The following SREK1 variants were observed in gnomAD, a reference collection of about 807,000 sequenced individuals.
SREK1 encodes the protein splicing regulatory glutamic acid and lysine rich protein 1, also known as splicing regulatory glutamine/lysine-rich protein 1.
Under a neutral mutation model 66.5 loss-of-function variants are expected in SREK1, and 13 were observed. The ratio of observed to expected loss-of-function variants is 0.20; its 90% CI spans 0.13 to 0.31. The LOEUF (loss-of-function observed/expected upper bound fraction) is 0.31, where lower values mean the gene tolerates loss of function less well. SREK1 is among the 10% of genes least tolerant of loss of function. The pLI, the probability that SREK1 is intolerant of heterozygous loss-of-function variation, is 1.00. For missense variants in SREK1, 607 were observed against 769.6 expected (o/e 0.79, Z 2.50); for synonymous variants, 265 against 263.5 (o/e 1.01, Z -0.05).
intron 2 of SREK1, chr5:66,157,567 A>C: frequency 2.1e-6 from 2 of 971,424 alleles, no homozygotes. Flanking sequence ...TATAGTGTAT[A>C]TGTGGGTATA....
chr5:66,153,021 T>TACTAG (rs1743979827), intron 1 of SREK1, among the ~76,000 whole-genome samples: 2 of 152,222 alleles, frequency 1.3e-5, no homozygotes, highest in Admixed American at 1.3e-4. Flanking sequence ...TGACTCTTTC[T>TACTAG]AAGACTGTTG....
At position 66,164,803 on chromosome 5, in the gene SREK1, A is replaced by G. The variant is rs895816954; in HGVS notation, c.907A>G (p.Arg303Gly). 3.7e-6 allele frequency: 6 copies of G among 1,614,018 alleles called. No individual in the cohort carries two copies. The highest frequency in any genetic ancestry group is 2.5e-6 in the Non-Finnish European group (3 of 1,179,954). The change falls in exon 7 of 12, where the codon AGA (arginine) becomes GGA (glycine). Residue 303 changes from arginine to glycine, a missense_variant. By Grantham distance (125) the Arg-to-Gly change is moderately radical. Around this residue, in one of 5 missense-constraint regions of SREK1, gnomAD observed 112 missense variants for 168.6 expected, o/e 0.66. Transcript: ENST00000334121. ...IEPESGKSNE[R>G]KGGRSRSHTR... ...CCCAGAGTCTGGAAAGAGCAATGAA[A>G]GAAAAGGCGGTCGATCTCGTTCCCA...
At chr5:66,148,813 T>G (rs1443195425) in intron 1 of SREK1, among the ~76,000 whole-genome samples, 1 of 133,856 alleles carries the variant, frequency 7.5e-6, no homozygotes, top group Non-Finnish European at 1.5e-5. Flanking sequence ...ATGTCATCCC[T>G]TTTTATGTGT....
At chr5:66,163,132 A>G (rs1744900235) in intron 5 of SREK1, 2 of 152,136 alleles carry the variant, frequency 1.3e-5, no homozygotes, top group South Asian at 4.2e-4. Flanking sequence ...GTTGAGGCAT[A>G]TATAGTTTTG....
intron 2 of SREK1, chr5:66,156,366 C>G: frequency 1.6e-6 from 2 of 1,219,436 alleles, no homozygotes; most frequent in Non-Finnish European, 1.0e-6. Context: ...GGGTTCATAA[C>G]GTGTTGCAAA....
At position 66,144,306 on chromosome 5, in the gene SREK1, C is replaced by T. The variant is rs945983712; in HGVS notation, c.-71C>T. On this transcript the variant is annotated 5_prime_UTR_variant, in exon 1 of 12. Coordinates refer to ENST00000334121, the MANE Select transcript of SREK1 (RefSeq NM_001077199.3). ...AGCGCGCTCGCGGCCGCGCGTTCTC[C>T]GCTTTCCCGGCTCCGTCGCTGACGC... 11 of 1,308,918 alleles carry T rather than the reference C, an allele frequency of 8.4e-6. 1 individual carries two copies. In the South Asian group the frequency reaches 1.1e-4, roughly 13 times the overall value. 81.1% of individuals were successfully genotyped at this position (1,308,918 alleles called of 1,614,324 possible).
chr5:66,173,146 A>G (rs1228623454), intron 9 of SREK1, among the ~76,000 whole-genome samples: 1 of 151,958 alleles, frequency 6.6e-6, no homozygotes, highest in African/African-American at 2.4e-5. Flanking sequence ...AAGAGTTACA[A>G]TTTCTTGTCT....
rs542164558 is a variant in SREK1, at chr5:66,147,003, G to C, written c.161+2466G>C. ...GGAGGCTGAGGTGGGAGAACAGCTT[G>C]AGCCCAGGAGTTTGATTCCAACCTG... is the stretch of plus-strand genomic sequence containing the variant. On this transcript the variant is annotated intron_variant, in intron 1 of 11. Coordinates refer to ENST00000334121, the MANE Select transcript of SREK1 (RefSeq NM_001077199.3). 4.1e-4 allele frequency among the ~76,000 whole-genome samples: 63 copies of C among 152,232 alleles called. 1 individual carries two copies. The highest frequency in any genetic ancestry group is 3.9e-4 in the Admixed American group (6 of 15,292).
rs1193013037 is a variant in SREK1 at position 66,182,346 on chromosome 5, A to T, written c.*3478A>T. 1 of 152,102 alleles carries T rather than the reference A, an allele frequency of 6.6e-6. No individual in the cohort carries two copies. Among genetic ancestry groups the T allele is most frequent in the African/African-American group, 2.4e-5 (1 of 41,444 alleles). 9.4% of individuals were successfully genotyped at this position (152,102 alleles called of 1,614,324 possible). ...ATATATTATTTTCTCATGTTTATTTACTAATGTAATTTTCACTTAAAATTA... is the reference window on the plus strand; with the variant it reads ...ATATATTATTTTCTCATGTTTATTTTCTAATGTAATTTTCACTTAAAATTA... On this transcript the variant is annotated 3_prime_UTR_variant, in exon 12 of 12. Transcript: ENST00000334121.
chr5:66,176,741 G>GTTC (rs1746087021), intron 10 of SREK1, among the ~76,000 whole-genome samples: 1 of 151,896 alleles, frequency 6.6e-6, no homozygotes, highest in African/African-American at 2.4e-5. Context: ...TGTTGTTGTT[G>GTTC]CTGTTGGAAA....
chr5:66,158,155 G>A (rs1744450128), intron 2 of SREK1: 1 of 146,986 alleles, frequency 6.8e-6, no homozygotes, highest in African/African-American at 2.5e-5. Context: ...GAAAAATAAT[G>A]TGAAAGTTGC....
Position 66,179,603 on chromosome 5 carries a change from A to T in SREK1, c.*735A>T, listed in dbSNP as rs1746346167. Reference sequence around the variant, plus strand: ...TTTAGAATCATTGGGACTACCCACAAAGTGAGCATTTCTTTTTAAATTTTC... The same window carrying T: ...TTTAGAATCATTGGGACTACCCACATAGTGAGCATTTCTTTTTAAATTTTC... On this transcript the variant is annotated 3_prime_UTR_variant, in exon 12 of 12. Transcript: ENST00000334121. 1 of 152,532 alleles carries T rather than the reference A, an allele frequency of 6.6e-6. No individual in the cohort carries two copies. The highest frequency in any genetic ancestry group is 1.5e-5 in the Non-Finnish European group (1 of 67,974). 9.4% of individuals were successfully genotyped at this position (152,532 alleles called of 1,614,324 possible).
chr5:66,145,861 G>A (rs4700699), intron 1 of SREK1, among the ~76,000 whole-genome samples: 17,367 of 150,008 alleles, frequency 0.12, 1,264 homozygotes, highest in Admixed American at 0.22. Context: ...ATCTAGGACA[G>A]TCCCGTCCCC....
chr5:66,178,793 G>C lies in SREK1; in HGVS notation c.1800G>C (p.Glu600Asp). Reference protein sequence around the residue: ...EVDDKDAPRTEENKIQHNGNC... With the variant: ...EVDDKDAPRTDENKIQHNGNC... ...ATGACAAGGATGCACCAAGGACTGAGGAAAACAAAATACAGCACAATGGGA... is the reference window on the plus strand; with the variant it reads ...ATGACAAGGATGCACCAAGGACTGACGAAAACAAAATACAGCACAATGGGA... Residue 600 changes from glutamate to aspartate, a missense_variant, in exon 12 of 12, where the codon GAG becomes GAC. Around this residue, in one of 5 missense-constraint regions of SREK1, gnomAD observed 318 missense variants for 310.3 expected, o/e 1.02. Coordinates refer to ENST00000334121, the MANE Select transcript of SREK1 (RefSeq NM_001077199.3). 1 of 1,612,594 alleles carries C rather than the reference G, an allele frequency of 6.2e-7. No homozygotes were observed. The highest frequency in any genetic ancestry group is 8.5e-7 in the Non-Finnish European group (1 of 1,179,010).
chr5:66,164,044 C>T (rs752562933), intron 6 of SREK1, 122 bp downstream of exon 6: 25 of 1,205,618 alleles, frequency 2.1e-5, no homozygotes, highest in Non-Finnish European at 2.9e-5. Context: ...GACTGAAACT[C>T]AAGAAATAGT....
In SREK1 at chr5:66,144,436, G is replaced by A; in HGVS notation, c.60G>A (p.Val20=). ...GLGFGLTPTS[V]IQVTNLSSAV... is the part of the protein sequence containing the mutation. The stretch of plus-strand genomic sequence containing the variant: ...GCTTCGGCCTCACCCCCACGTCGGT[G>A]ATTCAGGTGACGAATCTGTCGTCGG... Residue 20 remains valine, a synonymous_variant, in exon 1 of 12, where the codon GTG becomes GTA. Transcript: ENST00000334121. 1 of 1,551,826 alleles carries A rather than the reference G, an allele frequency of 6.4e-7. No homozygotes were observed. The highest frequency in any genetic ancestry group is 2.4e-5 in the East Asian group (1 of 40,918).
intron 2 of SREK1, 139 bp downstream of exon 2, chr5:66,153,735 CT>C: frequency 1.0e-6 from 1 of 999,482 alleles, no homozygotes; most frequent in Non-Finnish European, 1.5e-6. Context: ...GGAGGTAAAC[CT>C]TTTTACCTAA....
chr5:66,156,176 G>A (rs1280197187), intron 2 of SREK1: 1 of 1,342,440 alleles, frequency 7.4e-7, no homozygotes, highest in Non-Finnish European at 9.5e-7. Context: ...TGAGATCGGA[G>A]TCTGAACCGC....
At position 66,181,491 on chromosome 5, in the gene SREK1, T is replaced by C. The variant is rs1561524770; in HGVS notation, c.*2623T>C. ...TGAGGTAAGGCCAAGAAGACAGACA[T>C]TTTATGCTTCATACTTTCTGTAATT... On this transcript the variant is annotated 3_prime_UTR_variant, in exon 12 of 12. Coordinates refer to ENST00000334121, the MANE Select transcript of SREK1 (RefSeq NM_001077199.3). 1 of 152,298 alleles carries C rather than the reference T, an allele frequency of 6.6e-6. No homozygotes were observed. Among genetic ancestry groups the C allele is most frequent in the East Asian group, 1.9e-4 (1 of 5,184 alleles). 9.4% of individuals were successfully genotyped at this position (152,298 alleles called of 1,614,324 possible).
Sources: allele counts gnomAD v4.1 joint callset (sites outside exome capture counted in the v4.1 genomes callset), GRCh38; gene constraint gnomAD v4.1.1; regional missense constraint gnomAD v4.1.1; transcripts MANE v1.5; gene names NCBI Gene and HGNC (gene_info 2026-07-23, HGNC 2026-07-21).